Variants in GUCY1B1 observed in about 807,000 individuals in gnomAD.
GUCY1B1 encodes the protein guanylate cyclase soluble subunit beta-1.
Under a neutral mutation model 71.0 loss-of-function variants are expected in GUCY1B1, and 43 were observed. That is an observed-to-expected ratio of 0.61 (90% confidence interval 0.47 to 0.78). The LOEUF is 0.78. Among genes scored for constraint, GUCY1B1 ranks in the 30% least tolerant of loss-of-function variants. The pLI is 0.00. For synonymous variants in GUCY1B1, 266 were observed against 259.7 expected (o/e 1.02, Z -0.23); for missense variants, 535 against 754.1 (o/e 0.71, Z 3.40).
chr4:155,783,608 T>G (rs986920295), intron 4 of GUCY1B1, among the ~76,000 whole-genome samples: 1 of 152,206 alleles, frequency 6.6e-6, no homozygotes, highest in Admixed American at 6.5e-5. Flanking sequence ...CATGGGATTT[T>G]CTTCAATTCC....
At chr4:155,786,983 A>G (rs938510822) in intron 4 of GUCY1B1, among the ~76,000 whole-genome samples, 12 of 152,200 alleles carry the variant, frequency 7.9e-5, no homozygotes, top group African/African-American at 2.9e-4. Flanking sequence ...AAATGCAGCC[A>G]CAAGCTCAAT....
At chr4:155,792,195 T>C (rs1224052263) in intron 5 of GUCY1B1, among the ~76,000 whole-genome samples, 1 of 152,160 alleles carries the variant, frequency 6.6e-6, no homozygotes, top group Admixed American at 6.5e-5. Context: ...CCAGACAATT[T>C]GAACCACATG....
chr4:155,785,002 G>A (rs1213673256), intron 4 of GUCY1B1, among the ~76,000 whole-genome samples: 2 of 152,060 alleles, frequency 1.3e-5, no homozygotes, highest in African/African-American at 4.8e-5. Context: ...TGAAATTCCA[G>A]TAGAGTACCC....
chr4:155,759,193 G>C, intron 1 of GUCY1B1, 50 bp downstream of exon 1: 1 of 1,532,694 alleles, frequency 6.5e-7, no homozygotes, highest in Non-Finnish European at 8.8e-7. Context: ...TCCTCGGCCG[G>C]CCTGGCAGCG....
chr4:155,770,266 G>T (rs2111001747), intron 2 of GUCY1B1, among the ~76,000 whole-genome samples: 1 of 152,296 alleles, frequency 6.6e-6, no homozygotes, highest in South Asian at 2.1e-4. Context: ...AAGCTAAGGA[G>T]AGAAGGAAGC....
Position 155,794,069 on chromosome 4 carries a change from T to C in GUCY1B1, c.709T>C (p.Tyr237His). 1 of 1,592,060 alleles carries C rather than the reference T, an allele frequency of 6.3e-7. No individual in the cohort carries two copies. The highest frequency in any genetic ancestry group is 8.6e-7 in the Non-Finnish European group (1 of 1,160,204). Residue 237 changes from tyrosine to histidine, a missense_variant, in exon 6 of 14, where the codon TAC becomes CAC. Transcript: ENST00000264424. ...GGTCACTCAGTGTGGCAATGCTATA[T>C]ACAGAGTTCTCCCCCAGGTAAAATG... Reference protein sequence around the residue: ...LVVTQCGNAIYRVLPQLQPGN... With the variant: ...LVVTQCGNAIHRVLPQLQPGN...
intron 2 of GUCY1B1, among the ~76,000 whole-genome samples, chr4:155,766,143 T>A (rs1737319081): frequency 1.3e-5 from 2 of 152,270 alleles, no homozygotes; most frequent in African/African-American, 4.8e-5. Context: ...TGAAGTATCT[T>A]TCACCTTTTT....
chr4:155,787,040 T>G (rs1738846408), intron 4 of GUCY1B1, among the ~76,000 whole-genome samples: 1 of 148,776 alleles, frequency 6.7e-6, no homozygotes, highest in Non-Finnish European at 1.5e-5. Flanking sequence ...CTCTCAGTGA[T>G]TTTTTTTTTC....
chr4:155,799,202 A>G (rs1441737417), intron 8 of GUCY1B1, among the ~76,000 whole-genome samples: 1 of 152,180 alleles, frequency 6.6e-6, no homozygotes, highest in African/African-American at 2.4e-5. Context: ...AATAATAAAC[A>G]TTATTATGTT....
chr4:155,802,104 G>C lies in GUCY1B1; in HGVS notation c.1176-238G>C. 1.3e-6 allele frequency: 1 copy of C among 799,202 alleles called. No individual in the cohort carries two copies. 49.5% of individuals were successfully genotyped at this position (799,202 alleles called of 1,614,324 possible). ...TGCTTGGCTTATTTTGATTTGGTTT[G>C]AACTAGTTTGGGCTTGCGGATGTCT... On this transcript the variant is annotated intron_variant, in intron 9 of 13. Transcript: ENST00000264424. This position sits in a 1 kb window ranked among gnomAD's most constrained non-coding sequence, Gnocchi z 4.3.
rs192005176 is a variant in GUCY1B1 at position 155,786,720 on chromosome 4, G to A, written c.298-2994G>A. ...GATCTCCTGACCTTGTGATCCGCCC[G>A]CCTTGGCCTCCCAAAGTGCTGGGAT... is the stretch of plus-strand genomic sequence containing the variant. On this transcript the variant is annotated intron_variant, in intron 4 of 13. Transcript: ENST00000264424. Among the ~76,000 whole-genome samples the A allele has an allele frequency of 1.4e-3, 206 of 151,894 alleles. 2 individuals carry two copies. The highest frequency in any genetic ancestry group is 4.1e-3 in the African/African-American group (170 of 41,454).
In GUCY1B1 at chr4:155,793,848, A is replaced by G. The variant is rs1739349699; in HGVS notation, c.496-8A>G. On this transcript the variant is annotated splice_region_variant and splice_polypyrimidine_tract_variant and intron_variant, in intron 5 of 13. Coordinates refer to ENST00000264424, the MANE Select transcript of GUCY1B1 (RefSeq NM_000857.5). ...ACAATTCATGCCATTTCCCCCTTTGATATCCAGGTTATTCAGCAAAGAAAT... is the reference window on the plus strand; with the variant it reads ...ACAATTCATGCCATTTCCCCCTTTGGTATCCAGGTTATTCAGCAAAGAAAT... 2 of 1,201,598 alleles carry G rather than the reference A, an allele frequency of 1.7e-6. No homozygotes were observed. Among genetic ancestry groups the G allele is most frequent in the Non-Finnish European group, 1.2e-6 (1 of 805,644 alleles). The allele number at this position is 1,201,598 out of a possible 1,614,324, so 74.4% of individuals were successfully genotyped here.
At chr4:155,761,904 C>A (rs1273145107) in intron 2 of GUCY1B1, among the ~76,000 whole-genome samples, 1 of 152,136 alleles carries the variant, frequency 6.6e-6, no homozygotes, top group Non-Finnish European at 1.5e-5. Flanking sequence ...AAGGTTATGC[C>A]CCTGCAAGGG....
rs113558298 is a variant in GUCY1B1, at chr4:155,800,030, G to A, written c.1131G>A (p.Gln377=). ...TGGAAATCCTCACTGACAGGCTACA[G>A]CTCACGTTAAGAGCCCTGGAAGATG... The part of the protein sequence containing the change: ...QELEILTDRL[Q]LTLRALEDEK... The change falls in exon 9 of 14, where the codon CAG becomes CAA. Residue 377 remains glutamine (Q), a synonymous_variant. Transcript: ENST00000264424. 1.9e-3 allele frequency: 3,097 copies of A among 1,613,650 alleles called. 3 individuals are homozygous for A. Among genetic ancestry groups the A allele is most frequent in the Non-Finnish European group, 2.5e-3 (2,908 of 1,179,644 alleles).
intron 9 of GUCY1B1, among the ~76,000 whole-genome samples, chr4:155,800,838 A>G (rs369562683): frequency 6.6e-6 from 1 of 152,260 alleles, no homozygotes; most frequent in East Asian, 1.9e-4. Flanking sequence ...TTATATAAAC[A>G]TTTGGCGGAG....
chr4:155,784,843 G>A (rs1447761795), intron 4 of GUCY1B1, among the ~76,000 whole-genome samples: 2 of 152,142 alleles, frequency 1.3e-5, no homozygotes, highest in Non-Finnish European at 2.9e-5. Context: ...CTGTAATTAT[G>A]TAAGAACTTA....
rs537964028 is a variant in GUCY1B1, at chr4:155,785,608, T to C, written c.298-4106T>C. ...ATCTTTTTGTAGCAAAAAAAAAAAATTGTAGCCTGTATATGAGGATGACAC... is the reference window on the plus strand; with the variant it reads ...ATCTTTTTGTAGCAAAAAAAAAAAACTGTAGCCTGTATATGAGGATGACAC... On this transcript the variant is annotated intron_variant, in intron 4 of 13. Coordinates refer to ENST00000264424, the MANE Select transcript of GUCY1B1 (RefSeq NM_000857.5). Among the ~76,000 whole-genome samples the C allele has an allele frequency of 7.9e-5, 12 of 151,826 alleles. No homozygotes were observed. In the East Asian group the frequency reaches 1.9e-3, roughly 24 times the overall value.
In GUCY1B1 at chr4:155,807,405, T is replaced by A. The variant is rs941077714; in HGVS notation, c.*996T>A. On this transcript the variant is annotated 3_prime_UTR_variant, in exon 14 of 14. Coordinates refer to ENST00000264424, the MANE Select transcript of GUCY1B1 (RefSeq NM_000857.5). ...ATAGAATGCATTACTGTTGGAATAA[T>A]TGGCCTCTAGCTCTTAAATGTCTCT... 3 of 152,184 alleles carry A rather than the reference T, an allele frequency of 2.0e-5. No individual in the cohort carries two copies. The highest frequency in any genetic ancestry group is 7.2e-5 in the African/African-American group (3 of 41,468). 9.4% of individuals were successfully genotyped at this position (152,184 alleles called of 1,614,324 possible).
intron 7 of GUCY1B1, among the ~76,000 whole-genome samples, 191 bp downstream of exon 7, chr4:155,795,648 AT>A (rs1291034108): frequency 2.0e-5 from 3 of 152,176 alleles, no homozygotes; most frequent in Admixed American, 6.5e-5. Flanking sequence ...CTATCAACTG[AT>A]TAAAATTAAC....
Sources: allele counts gnomAD v4.1 joint callset (sites outside exome capture counted in the v4.1 genomes callset), GRCh38; gene constraint gnomAD v4.1.1; non-coding constraint Gnocchi (gnomAD v3.1); transcripts MANE v1.5; gene names NCBI Gene and HGNC (gene_info 2026-07-23, HGNC 2026-07-21).